The following WDR64 variants were observed in gnomAD, a reference collection of about 807,000 sequenced individuals.
The protein encoded by WDR64 is WD repeat domain 64.
Under a neutral mutation model 139.3 loss-of-function variants are expected in WDR64, and 112 were observed. That is an observed-to-expected ratio of 0.80 (90% CI 0.69 to 0.94). The LOEUF is 0.94. WDR64 is among the 40% of genes least tolerant of loss of function. The probability of loss-of-function intolerance (pLI) is 0.00; values close to 1 mark genes in which losing one functional copy is unlikely to be tolerated. For missense variants in WDR64, 1,206 were observed against 1,293.1 expected, an observed-to-expected ratio of 0.93 and a Z score of 1.03; for synonymous variants, 444 against 437.7, an observed-to-expected ratio of 1.01 and a Z score of -0.18.
intron 25 of WDR64, among the ~76,000 whole-genome samples, chr1:241,790,938 T>G (rs1399024345): frequency 6.6e-6 from 1 of 152,016 alleles, no homozygotes; most frequent in African/African-American, 2.4e-5. Flanking sequence ...TTCTGAAGGT[T>G]GTAAGAGAGA....
intron 10 of WDR64, among the ~76,000 whole-genome samples, chr1:241,728,347 AG>A (rs36028468): frequency 0.42 from 62,519 of 150,338 alleles, 13,007 homozygotes; most frequent in South Asian, 0.47. Flanking sequence ...AAGAAGAAGA[AG>A]AAAAAAAAAG....
rs544132264 is a variant in WDR64 at position 241,746,524 on chromosome 1, T to A, written c.1594+2008T>A. 6.3e-5 allele frequency among the ~76,000 whole-genome samples: 9 copies of A among 143,954 alleles called. 1 individual carries two copies. The highest frequency in any genetic ancestry group is 1.0e-4 in the Non-Finnish European group (7 of 67,910). The allele number at this position is 143,954 out of a possible 152,430, so 94.4% of individuals were successfully genotyped here. On this transcript the variant is annotated intron_variant, in intron 13 of 27. Coordinates refer to ENST00000437684, the MANE Select transcript of WDR64 (RefSeq NM_001367482.1). ...GGAATACCATAGAGTGGGTGGTGTT[T>A]TAAAAAAAAAAGTTTATAGCAGATT...
At chr1:241,774,784 C>G (rs1292322173) in intron 20 of WDR64, among the ~76,000 whole-genome samples, 3 of 151,896 alleles carry the variant, frequency 2.0e-5, no homozygotes, top group Admixed American at 6.6e-5. Flanking sequence ...AATATGTAAT[C>G]GGAAAGAAAG....
intron 13 of WDR64, among the ~76,000 whole-genome samples, chr1:241,744,998 G>A (rs1669698157): frequency 6.6e-6 from 1 of 152,222 alleles, no homozygotes; most frequent in Non-Finnish European, 1.5e-5. Context: ...GTGAGGGCAT[G>A]TTCCATGCCA....
intron 13 of WDR64, 124 bp from the exon 14 acceptor site, chr1:241,749,423 A>T: frequency 9.0e-7 from 1 of 1,110,642 alleles, no homozygotes; most frequent in Non-Finnish European, 1.3e-6. Flanking sequence ...CCATCTGAGT[A>T]GGGAATAAAT....
At chr1:241,796,132 T>G (rs963021371) in intron 26 of WDR64, 125 bp from the exon 27 acceptor site, 5 of 486,530 alleles carry the variant, frequency 1.0e-5, no homozygotes, top group Non-Finnish European at 1.8e-5. Context: ...GCTGAGCAAC[T>G]GGGAAGAAGG....
At chr1:241,716,837 G>A (rs936171286) in intron 9 of WDR64, among the ~76,000 whole-genome samples, 1 of 152,126 alleles carries the variant, frequency 6.6e-6, no homozygotes, top group Admixed American at 6.6e-5. Context: ...AGGCAATAGG[G>A]AACCTCCAAA....
intron 23 of WDR64, among the ~76,000 whole-genome samples, chr1:241,786,210 C>G (rs575211269): frequency 6.6e-6 from 1 of 152,322 alleles, no homozygotes; most frequent in African/African-American, 2.4e-5. Flanking sequence ...CAAATAGATA[C>G]CTCTGTTTCT....
Position 241,702,434 on chromosome 1 carries a change from G to A in WDR64, c.975-9368G>A, listed in dbSNP as rs531592587. Among the ~76,000 whole-genome samples, 5 of 151,952 alleles carry A rather than the reference G, an allele frequency of 3.3e-5. No individual in the cohort carries two copies. In the South Asian group the frequency reaches 8.3e-4, roughly 25 times the overall value. ...TTACTTAAGTTAACTCACGTAAAGT[G>A]CCTTGTTTAATGCCTGACACAAAGT... On this transcript the variant is annotated intron_variant, in intron 8 of 27. Transcript: ENST00000437684.
At chr1:241,655,111 G>C (rs112959584) in intron 1 of WDR64, among the ~76,000 whole-genome samples, 1 of 152,124 alleles carries the variant, frequency 6.6e-6, no homozygotes, top group Non-Finnish European at 1.5e-5. Flanking sequence ...TTGGCCAGGC[G>C]CGGTGGCTCA....
At chr1:241,755,235 G>A (rs533704415) in intron 14 of WDR64, among the ~76,000 whole-genome samples, 1 of 152,226 alleles carries the variant, frequency 6.6e-6, no homozygotes, top group African/African-American at 2.4e-5. Flanking sequence ...AGCATCTGTT[G>A]TTTCCTGACT....
At position 241,801,290 on chromosome 1, in the gene WDR64, G is replaced by A. The variant is rs926532410; in HGVS notation, c.*75G>A. The A allele has an allele frequency of 9.2e-6, 12 of 1,311,234 alleles. No homozygotes were observed. The highest frequency in any genetic ancestry group is 1.3e-5 in the Non-Finnish European group (12 of 914,652). The allele number at this position is 1,311,234 out of a possible 1,614,324, so 81.2% of individuals were successfully genotyped here. A position where few individuals can be genotyped will look rare whatever the true frequency, so the allele number is the denominator to read the frequency against. On this transcript the variant is annotated 3_prime_UTR_variant, in exon 28 of 28. Transcript: ENST00000437684. ...TGATACCTGCTCTTTATTTCAGGATGAGAGGGAGAAACCACCAGACACTAT... is the reference window on the plus strand; with the variant it reads ...TGATACCTGCTCTTTATTTCAGGATAAGAGGGAGAAACCACCAGACACTAT...
intron 16 of WDR64, 122 bp downstream of exon 16, chr1:241,766,473 G>A: frequency 1.8e-6 from 2 of 1,121,364 alleles, no homozygotes; most frequent in South Asian, 1.8e-5. Context: ...AACTTTGGGA[G>A]GAGGATCACT....
chr1:241,669,105 A>C (rs963128034), intron 2 of WDR64, among the ~76,000 whole-genome samples: 1 of 152,212 alleles, frequency 6.6e-6, no homozygotes, highest in African/African-American at 2.4e-5. Context: ...GCCATCCATT[A>C]TGTCATTTAA....
chr1:241,780,765 C>G (rs533905986), intron 22 of WDR64, among the ~76,000 whole-genome samples: 1 of 152,042 alleles, frequency 6.6e-6, no homozygotes, highest in Non-Finnish European at 1.5e-5. Context: ...TTTAAGGTTT[C>G]GGTATTCAAC....
intron 27 of WDR64, 120 bp downstream of exon 27, chr1:241,796,490 TAC>T: frequency 1.5e-6 from 1 of 687,816 alleles, no homozygotes; most frequent in South Asian, 2.5e-5. Flanking sequence ...TTTCAGTTCA[TAC>T]TTTTTTTTTT....
chr1:241,753,949 A>T (rs1384647789), intron 14 of WDR64, among the ~76,000 whole-genome samples: 1 of 152,180 alleles, frequency 6.6e-6, no homozygotes, highest in Non-Finnish European at 1.5e-5. Flanking sequence ...TGTCTAAAAA[A>T]ACAAAGTGAA....
Position 241,780,064 on chromosome 1 carries a change from T to C in WDR64, c.2595+2T>C. On this transcript the variant is annotated splice_donor_variant, in intron 22 of 27. Coordinates refer to ENST00000437684, the MANE Select transcript of WDR64 (RefSeq NM_001367482.1). LOFTEE classifies it high-confidence loss of function. Reference sequence around the variant, plus strand: ...CTGGATCCACCTCATGATGAAAAGGTAAGAACTTCAGTTTTCCACTTTAAT... The same window carrying C: ...CTGGATCCACCTCATGATGAAAAGGCAAGAACTTCAGTTTTCCACTTTAAT... The C allele has an allele frequency of 6.3e-7, 1 of 1,591,192 alleles. No homozygotes were observed. The highest frequency in any genetic ancestry group is 8.5e-7 in the Non-Finnish European group (1 of 1,172,920).
At chr1:241,723,629 C>A (rs568094287) in intron 10 of WDR64, among the ~76,000 whole-genome samples, 193 bp downstream of exon 10, 2 of 151,954 alleles carry the variant, frequency 1.3e-5, no homozygotes, top group African/African-American at 4.8e-5. Flanking sequence ...TAAGTAAGAA[C>A]ACGTTTAAAA....
Sources: allele counts gnomAD v4.1 joint callset (sites outside exome capture counted in the v4.1 genomes callset), GRCh38; gene constraint gnomAD v4.1.1; transcripts MANE v1.5; gene names NCBI Gene and HGNC (gene_info 2026-07-23, HGNC 2026-07-21).